The following BRWD3 variants were observed in gnomAD, a reference collection of about 807,000 sequenced individuals.
BRWD3 encodes the protein bromodomain and WD repeat domain containing 3, also known as bromodomain and WD repeat-containing protein 3.
BRWD3 carries 10 observed loss-of-function variants against 149.7 expected under a neutral mutation model. That is an observed-to-expected ratio of 0.07 (90% CI 0.04 to 0.11). BRWD3 has a LOEUF of 0.11. BRWD3 is among the 10% of genes least tolerant of loss of function. The probability of loss-of-function intolerance (pLI) is 1.00; values close to 1 mark genes in which losing one functional copy is unlikely to be tolerated. For missense variants in BRWD3, 940 were observed against 1,373.2 expected (o/e 0.68, Z 4.99); for synonymous variants, 504 against 456.7 (o/e 1.10, Z -1.32).
chrX:80,741,278 A>T (rs2073494200), intron 8 of BRWD3, among the ~76,000 whole-genome samples: 1 of 111,918 alleles, frequency 8.9e-6, no homozygotes, highest in African/African-American at 3.2e-5. Context: ...CATGGTGTAT[A>T]TGTGCCACAT....
chrX:80,705,335 T>A (rs1342445377), intron 22 of BRWD3, among the ~76,000 whole-genome samples: 1 of 111,211 alleles, frequency 9.0e-6, no homozygotes, highest in Non-Finnish European at 1.9e-5. Flanking sequence ...GCTTCTTGGA[T>A]GAAGTATACT....
At chrX:80,793,334 T>C (rs1262130480) in intron 5 of BRWD3, among the ~76,000 whole-genome samples, 2 of 109,973 alleles carry the variant, frequency 1.8e-5, no homozygotes, top group Non-Finnish European at 3.8e-5. Context: ...AATGAAAGAA[T>C]ATTGTAAGTA....
At chrX:80,713,900 C>T (rs1288188111) in intron 20 of BRWD3, among the ~76,000 whole-genome samples, 1 of 111,570 alleles carries the variant, frequency 9.0e-6, no homozygotes, top group Middle Eastern at 4.3e-3. Flanking sequence ...CCCATCAGAG[C>T]GGTTTTATTT....
intron 20 of BRWD3, among the ~76,000 whole-genome samples, chrX:80,713,531 G>T (rs927513329): frequency 1.6e-4 from 17 of 109,182 alleles, no homozygotes; most frequent in Middle Eastern, 4.6e-3. Context: ...CTAATCTCAA[G>T]TACCCAGGGA....
chrX:80,804,241 A>C (rs1444627004), intron 4 of BRWD3, among the ~76,000 whole-genome samples: 1 of 108,231 alleles, frequency 9.2e-6, no homozygotes, highest in Non-Finnish European at 1.9e-5. Context: ...ACTTTGGTTC[A>C]GTCTTTTTTT....
intron 6 of BRWD3, among the ~76,000 whole-genome samples, chrX:80,756,502 CAAA>C (rs974549325): frequency 1.5e-4 from 6 of 41,328 alleles, no homozygotes; most frequent in East Asian, 1.0e-3. Flanking sequence ...AACTCTGTCT[CAAA>C]AAAAAAAAAA....
chrX:80,745,926 C>T (rs2073586691), intron 6 of BRWD3, among the ~76,000 whole-genome samples, 197 bp from the exon 7 acceptor site: 1 of 110,539 alleles, frequency 9.0e-6, no homozygotes, highest in Non-Finnish European at 1.9e-5. Flanking sequence ...GAATACTCTT[C>T]CATTAAATCC....
At chrX:80,809,198 C>G in intron 2 of BRWD3, 48 bp downstream of exon 2, 1 of 1,169,187 alleles carries the variant, frequency 8.6e-7, no homozygotes, top group Non-Finnish European at 1.2e-6. Flanking sequence ...CTCGATTTCC[C>G]CACTGGGACC....
chrX:80,794,316 G>C (rs1340257314), intron 4 of BRWD3, among the ~76,000 whole-genome samples: 2 of 110,479 alleles, frequency 1.8e-5, no homozygotes, highest in Non-Finnish European at 3.8e-5. Flanking sequence ...TAACAGCCTG[G>C]GCCACACAAC....
intron 27 of BRWD3, among the ~76,000 whole-genome samples, chrX:80,694,299 C>CCA (rs1320014352): frequency 8.9e-6 from 1 of 111,797 alleles, no homozygotes; most frequent in African/African-American, 3.3e-5. Flanking sequence ...GCCTGGATAT[C>CCA]CAGGCAAAAG....
intron 13 of BRWD3, 33 bp downstream of exon 13, chrX:80,729,883 A>G: frequency 1.1e-6 from 1 of 918,993 alleles, no homozygotes; most frequent in Non-Finnish European, 1.6e-6. Context: ...ATATATCATG[A>G]GAACCACATA....
intron 15 of BRWD3, among the ~76,000 whole-genome samples, 155 bp from the exon 16 acceptor site, chrX:80,724,031 A>T (rs1474485122): frequency 8.9e-6 from 1 of 112,314 alleles, no homozygotes; most frequent in Admixed American, 9.4e-5. Flanking sequence ...CTGATACAGT[A>T]AATCCCTGAA....
chrX:80,698,113 A>C (rs777535813), intron 25 of BRWD3, among the ~76,000 whole-genome samples: 5 of 111,824 alleles, frequency 4.5e-5, no homozygotes, highest in Non-Finnish European at 9.4e-5. Flanking sequence ...ATTTTCTTTT[A>C]AGAAGTGTCT....
At chrX:80,748,361 T>C (rs2073622261) in intron 6 of BRWD3, among the ~76,000 whole-genome samples, 1 of 112,188 alleles carries the variant, frequency 8.9e-6, no homozygotes, top group Non-Finnish European at 1.9e-5. Context: ...TTCCCTGTAT[T>C]AACACTGCCT....
intron 4 of BRWD3, among the ~76,000 whole-genome samples, chrX:80,804,733 A>G (rs2074333813): frequency 8.9e-6 from 1 of 112,044 alleles, no homozygotes; most frequent in African/African-American, 3.2e-5. Flanking sequence ...AAATTAGCCA[A>G]CAACTCAATA....
intron 26 of BRWD3, 135 bp downstream of exon 26, chrX:80,696,604 C>A: frequency 1.4e-6 from 1 of 699,465 alleles, no homozygotes. Flanking sequence ...GAATTAAACT[C>A]TGGTCTTTAT....
Position 80,725,046 on chromosome X carries a change from C to T in BRWD3, c.1408G>A (p.Val470Ile), listed in dbSNP as rs1411652690. 1.1e-5 allele frequency: 13 copies of T among 1,207,316 alleles called. No individual in the cohort carries two copies. The highest frequency in any genetic ancestry group is 5.3e-5 in the South Asian group (3 of 56,887). ...TLSGHDDEVF[V>I]LEAHPFDQRI... ...TGATCAAATGGATGGGCTTCTAGAA[C>T]GAATACTTCATCATCATGTCCCTAT... Residue 470 changes from valine to isoleucine, a missense_variant, in exon 15 of 41, where the codon GTT becomes ATT. Val to Ile is a conservative substitution (Grantham distance 29). This residue lies in a region of BRWD3 where 209 missense variants were observed against 396.8 expected (regional missense o/e 0.53). Coordinates refer to ENST00000373275, the MANE Select transcript of BRWD3 (RefSeq NM_153252.5).
chrX:80,736,514 C>T (rs1025383639), intron 8 of BRWD3, among the ~76,000 whole-genome samples: 1 of 111,482 alleles, frequency 9.0e-6, no homozygotes, highest in African/African-American at 3.3e-5. Context: ...TCTAAAAACA[C>T]TTGGGAAGTT....
intron 40 of BRWD3, 39 bp downstream of exon 40, chrX:80,681,302 A>T: frequency 3.4e-6 from 4 of 1,174,478 alleles, no homozygotes; most frequent in Non-Finnish European, 4.6e-6. Context: ...ATCATAAAGA[A>T]ATAAATAATA....
Sources: allele counts gnomAD v4.1 joint callset (sites outside exome capture counted in the v4.1 genomes callset), GRCh38; gene constraint gnomAD v4.1.1; regional missense constraint gnomAD v4.1.1; transcripts MANE v1.5; gene names NCBI Gene and HGNC (gene_info 2026-07-23, HGNC 2026-07-21).